The following SFTPD variants were observed in gnomAD, a reference collection of about 807,000 sequenced individuals.
SFTPD encodes pulmonary surfactant-associated protein D.
SFTPD carries 18 observed loss-of-function variants against 34.6 expected under a neutral mutation model. The ratio of observed to expected loss-of-function variants is 0.52; its 90% CI spans 0.36 to 0.77. SFTPD has a LOEUF of 0.77. Ranked by LOEUF, SFTPD falls within the 30% of genes least tolerant of loss-of-function variation. The pLI is 0.00. For missense variants in SFTPD, 433 were observed against 468.9 expected (o/e 0.92, Z 0.71); for synonymous variants, 155 against 180.9 (o/e 0.86, Z 1.15).
At chr10:79,971,141 T>C (rs1842832214) in intron 1 of SFTPD, 2 of 152,186 alleles carry the variant, frequency 1.3e-5, no homozygotes, top group South Asian at 4.1e-4. Context: ...TTTTTGTCCA[T>C]CATTTTGTAA....
chr10:79,952,098 G>A (rs748845590), upstream of SFTPD, among the ~76,000 whole-genome samples: 14 of 152,316 alleles, frequency 9.2e-5, no homozygotes, highest in South Asian at 4.1e-4. Context: ...GAAAACACCC[G>A]TCCTGTGGCT....
chr10:79,959,980 G>C (rs1193718740), intron 1 of SFTPD, among the ~76,000 whole-genome samples: 6 of 152,064 alleles, frequency 3.9e-5, no homozygotes, highest in Non-Finnish European at 5.9e-5. Flanking sequence ...GGGATGCAAG[G>C]CTGGTTCAAC....
intron 1 of SFTPD, among the ~76,000 whole-genome samples, chr10:79,964,596 T>C (rs934433043): frequency 3.9e-5 from 6 of 152,182 alleles, no homozygotes; most frequent in African/African-American, 1.4e-4. Context: ...TCATAACCTC[T>C]TCCTTGTAGG....
chr10:79,973,512 G>T (rs1259818257), intron 1 of SFTPD, among the ~76,000 whole-genome samples: 1 of 151,670 alleles, frequency 6.6e-6, no homozygotes, highest in Non-Finnish European at 1.5e-5. Context: ...CAGCTACTCA[G>T]GAGGCTTAGG....
Position 79,941,642 on chromosome 10 carries a change from C to T in SFTPD, c.551-128G>A, listed in dbSNP as rs983696626. ...GAAATAGACAGATGGTCCCCAGTACCCAGCCATGCAGCTCCCTGTACACTG... is the reference window on the plus strand; with the variant it reads ...GAAATAGACAGATGGTCCCCAGTACTCAGCCATGCAGCTCCCTGTACACTG... On this transcript the variant is annotated intron_variant, in intron 5 of 7. Coordinates refer to ENST00000372292, the MANE Select transcript of SFTPD (RefSeq NM_003019.5). 1.4e-5 allele frequency: 10 copies of T among 722,158 alleles called. No homozygotes were observed. In the East Asian group the frequency reaches 2.1e-4, roughly 15 times the overall value. 44.7% of individuals were successfully genotyped at this position (722,158 alleles called of 1,614,324 possible).
intron 1 of SFTPD, among the ~76,000 whole-genome samples, chr10:79,956,169 G>C (rs1842736770): frequency 6.6e-6 from 1 of 152,192 alleles, no homozygotes; most frequent in African/African-American, 2.4e-5. Flanking sequence ...CCAAAATGGG[G>C]ATGGAGCCAA....
chr10:79,982,312 G>A (rs1387256497), intron 1 of SFTPD: 12 of 970,406 alleles, frequency 1.2e-5, no homozygotes, highest in Non-Finnish European at 1.2e-5. Flanking sequence ...TGCCCAGTGG[G>A]CACCAGCCCA....
At chr10:79,973,323 A>C (rs1842846015) in intron 1 of SFTPD, 1 of 152,142 alleles carries the variant, frequency 6.6e-6, no homozygotes, top group African/African-American at 2.4e-5. Context: ...CTGGTACATT[A>C]AAAATATCTT....
chr10:79,981,077 G>A (rs563114039), intron 1 of SFTPD, among the ~76,000 whole-genome samples: 1 of 151,962 alleles, frequency 6.6e-6, no homozygotes, highest in Non-Finnish European at 1.5e-5. Flanking sequence ...TGAAATCCAA[G>A]GTAATACAGA....
chr10:79,967,697 C>T (rs1842810476), intron 1 of SFTPD, among the ~76,000 whole-genome samples: 2 of 151,846 alleles, frequency 1.3e-5, no homozygotes, highest in African/African-American at 2.4e-5. Context: ...TATAAGAAGA[C>T]AGGAATGTCA....
intron 1 of SFTPD, among the ~76,000 whole-genome samples, chr10:79,978,709 AG>A (rs1337170502): frequency 6.6e-6 from 1 of 150,470 alleles, no homozygotes; most frequent in Non-Finnish European, 1.5e-5. Flanking sequence ...AACAAAATAA[AG>A]GCCTTATATG....
chr10:79,974,795 G>C (rs116012129), intron 1 of SFTPD, among the ~76,000 whole-genome samples: 1 of 151,880 alleles, frequency 6.6e-6, no homozygotes, highest in East Asian at 1.9e-4. Context: ...AGACCAGCTC[G>C]GTCAGGGAGA....
At chr10:79,979,075 T>C (rs527922849) in intron 1 of SFTPD, among the ~76,000 whole-genome samples, 2 of 151,816 alleles carry the variant, frequency 1.3e-5, no homozygotes, top group Non-Finnish European at 2.9e-5. Flanking sequence ...GAAACAAAAA[T>C]TAAGAAAACA....
At chr10:79,965,594 T>TTA (rs1434005350) in intron 1 of SFTPD, among the ~76,000 whole-genome samples, 2 of 135,686 alleles carry the variant, frequency 1.5e-5, no homozygotes, top group Non-Finnish European at 3.1e-5. Flanking sequence ...GTTTTTTTTT[T>TTA]ATTATACTCT....
chr10:79,947,714 GA>G (rs1484465991), intron 1 of SFTPD, among the ~76,000 whole-genome samples: 3 of 152,154 alleles, frequency 2.0e-5, no homozygotes, highest in Admixed American at 2.0e-4. Flanking sequence ...GTCTTATATG[GA>G]AAGAGGACAT....
Position 79,942,005 on chromosome 10 carries a change from C to G in SFTPD, c.499G>C (p.Glu167Gln). The change falls in exon 5 of 8, where the codon GAG becomes CAG. Residue 167 changes from glutamate to glutamine, a missense_variant. Coordinates refer to ENST00000372292, the MANE Select transcript of SFTPD (RefSeq NM_003019.5). ...CCACGCTCACCAGGGACACCTCGCT[C>G]TCCCTTAGGGCCTGCGAGGCCTCTT... The part of the protein sequence containing the change: ...GARGLAGPKG[E>Q]RGVPGERGVP... The G allele has an allele frequency of 6.2e-7, 1 of 1,614,060 alleles. No individual in the cohort carries two copies. Among genetic ancestry groups the G allele is most frequent in the Non-Finnish European group, 8.5e-7 (1 of 1,179,948 alleles).
chr10:79,953,073 C>A (rs1408557240), upstream of SFTPD, among the ~76,000 whole-genome samples: 1 of 152,232 alleles, frequency 6.6e-6, no homozygotes, highest in African/African-American at 2.4e-5. Context: ...TAGGTCATGT[C>A]ACTCATTCCT....
At chr10:79,942,569 G>T in intron 3 of SFTPD, 65 bp from the exon 4 acceptor site, 2 of 1,138,146 alleles carry the variant, frequency 1.8e-6, no homozygotes, top group African/African-American at 1.5e-5. Flanking sequence ...TGTGTAGTAA[G>T]GTGAGGGTAA....
chr10:79,938,017 C>T lies in SFTPD; in HGVS notation c.963G>A (p.Glu321=). ...CTCCTGTGGGGTAGGTGAACTTGCC[C>T]TCTGTCTTGGAATCAGTCATGCTCA... ...AFLSMTDSKT[E]GKFTYPTGES... The change falls in exon 8 of 8, where the codon GAG becomes GAA. Residue 321 remains glutamate, a synonymous_variant. Coordinates refer to ENST00000372292, the MANE Select transcript of SFTPD (RefSeq NM_003019.5). The T allele has an allele frequency of 1.2e-6, 2 of 1,613,948 alleles. No individual in the cohort carries two copies. The highest frequency in any genetic ancestry group is 1.7e-6 in the Non-Finnish European group (2 of 1,179,838).
Sources: gnomAD v4.1 joint callset for allele counts (sites outside exome capture counted in the v4.1 genomes callset) on GRCh38, gnomAD v4.1.1 for gene constraint, MANE v1.5 for transcripts, NCBI Gene and HGNC (gene_info 2026-07-23, HGNC 2026-07-21) for gene names.